Variants in LINGO2 observed in about 807,000 individuals in gnomAD.
LINGO2 encodes leucine-rich repeat and immunoglobulin-like domain-containing nogo receptor-interacting protein 2.
In LINGO2, 14 loss-of-function variants were observed where a neutral mutation model predicts 30.6. The ratio of observed to expected loss-of-function variants is 0.46; its 90% CI spans 0.30 to 0.72. LINGO2 has a LOEUF of 0.72. Among genes scored for constraint, LINGO2 ranks in the 30% least tolerant of loss-of-function variants. The pLI is 0.07. For synonymous variants in LINGO2, 317 were observed against 288.5 expected (o/e 1.10, Z -1.00); for missense variants, 729 against 751.7 (o/e 0.97, Z 0.35).
the LINGO2 span, among the ~76,000 whole-genome samples, chr9:29,083,398 A>T: frequency 6.6e-6 from 1 of 152,118 alleles, no homozygotes; most frequent in Non-Finnish European, 1.5e-5. Context: ...ACACTTGGAC[A>T]CAGGAAAGGG....
At chr9:28,477,280 G>A (rs983177145) in intron 1 of LINGO2, among the ~76,000 whole-genome samples, 3 of 152,134 alleles carry the variant, frequency 2.0e-5, no homozygotes, top group East Asian at 3.9e-4. Context: ...TTTAGGGTAT[G>A]ATCTAATTTA....
intron 1 of LINGO2, among the ~76,000 whole-genome samples, chr9:28,534,571 T>C (rs1031906271): frequency 5.9e-5 from 9 of 152,176 alleles, no homozygotes; most frequent in Non-Finnish European, 1.0e-4. Flanking sequence ...TAGCTCATTT[T>C]CTTTCTAAGA....
In LINGO2 at chr9:28,060,475, A is replaced by C. The variant is rs146145570; in HGVS notation, c.-86-48070T>G. Among the ~76,000 whole-genome samples the C allele has an allele frequency of 5.4e-3, 820 of 152,256 alleles. 16 individuals are homozygous for C. The highest frequency in any genetic ancestry group is 0.05 in the South Asian group (242 of 4,822). ...CTTTCATAAGTAAGATTTTTTATTTACATTTTACAAATGAGAAAAATAGGC... is the reference window on the plus strand; with the variant it reads ...CTTTCATAAGTAAGATTTTTTATTTCCATTTTACAAATGAGAAAAATAGGC... On this transcript the variant is annotated intron_variant, in intron 4 of 5. Coordinates refer to ENST00000379992, the Ensembl canonical transcript of LINGO2.
intron 4 of LINGO2, among the ~76,000 whole-genome samples, chr9:28,246,840 T>C (rs1468174831): frequency 2.0e-5 from 3 of 152,170 alleles, no homozygotes; most frequent in African/African-American, 4.8e-5. Flanking sequence ...GAGAATATTT[T>C]TGCAATCTAC....
intron 1 of LINGO2, among the ~76,000 whole-genome samples, chr9:28,631,702 T>A (rs1826951627): frequency 6.6e-6 from 1 of 152,062 alleles, no homozygotes; most frequent in Non-Finnish European, 1.5e-5. Flanking sequence ...AGCACATATG[T>A]TGCTGTCTCC....
At chr9:27,946,590 C>T (rs1279592601), downstream of LINGO2, among the ~76,000 whole-genome samples, 1 of 152,082 alleles carries the variant, frequency 6.6e-6, no homozygotes, top group Non-Finnish European at 1.5e-5. Context: ...CACAATGCTG[C>T]AAAATAGTTT....
Position 28,147,508 on chromosome 9 carries a change from G to A in LINGO2, c.-86-135103C>T, listed in dbSNP as rs1005510848. Reference sequence around the variant, plus strand: ...GGGCCTGGCTCCAGGCAGCACAGAGGCACTGGAGAGGCCCCGGGGGAGCCT... The same window carrying A: ...GGGCCTGGCTCCAGGCAGCACAGAGACACTGGAGAGGCCCCGGGGGAGCCT... On this transcript the variant is annotated intron_variant, in intron 4 of 5. Transcript: ENST00000379992. This position sits in a 1 kb window ranked among gnomAD's most constrained non-coding sequence, Gnocchi z 4.7. Among the ~76,000 whole-genome samples, 1 of 152,220 alleles carries A rather than the reference G, an allele frequency of 6.6e-6. No homozygotes were observed. Among genetic ancestry groups the A allele is most frequent in the African/African-American group, 2.4e-5 (1 of 41,464 alleles).
chr9:28,593,838 C>G (rs780657182), intron 1 of LINGO2, among the ~76,000 whole-genome samples: 3 of 151,924 alleles, frequency 2.0e-5, no homozygotes, highest in Non-Finnish European at 4.4e-5. Context: ...GAACATTACA[C>G]CAGCTTTTAG....
At chr9:29,114,466 A>G in the LINGO2 span, among the ~76,000 whole-genome samples, 1 of 150,048 alleles carries the variant, frequency 6.7e-6, no homozygotes, top group Non-Finnish European at 1.5e-5. Context: ...GGTTTGTTAC[A>G]TATGTATACA....
At chr9:28,704,472 A>T in the LINGO2 span, among the ~76,000 whole-genome samples, 1 of 151,988 alleles carries the variant, frequency 6.6e-6, no homozygotes, top group Non-Finnish European at 1.5e-5. Flanking sequence ...GGTGTCTGAC[A>T]TTAATTTGAG....
At chr9:28,425,251 A>G (rs1324685652) in intron 2 of LINGO2, among the ~76,000 whole-genome samples, 1 of 147,958 alleles carries the variant, frequency 6.8e-6, no homozygotes, top group African/African-American at 2.5e-5. Context: ...CATATTAAAT[A>G]TATGTATTAT....
At chr9:28,745,347 G>T in the LINGO2 span, among the ~76,000 whole-genome samples, 1 of 152,004 alleles carries the variant, frequency 6.6e-6, no homozygotes, top group African/African-American at 2.4e-5. Context: ...TTGTAAGTCA[G>T]CTCTCATCTT....
chr9:27,982,293 T>C (rs1251415440), intron 5 of LINGO2, among the ~76,000 whole-genome samples: 2 of 151,838 alleles, frequency 1.3e-5, no homozygotes, highest in African/African-American at 2.4e-5. Flanking sequence ...AATTTATAAA[T>C]CAGCCGGACA....
At chr9:28,867,111 A>C in the LINGO2 span, among the ~76,000 whole-genome samples, 1 of 152,100 alleles carries the variant, frequency 6.6e-6, no homozygotes, top group Non-Finnish European at 1.5e-5. Context: ...TGACAGAGGA[A>C]TCTGCAGTTA....
At chr9:28,651,131 A>C (rs1038523326) in intron 1 of LINGO2, among the ~76,000 whole-genome samples, 6 of 151,756 alleles carry the variant, frequency 4.0e-5, no homozygotes, top group African/African-American at 1.5e-4. Context: ...TGCAGTGAGC[A>C]GAGACTGTGA....
intron 4 of LINGO2, among the ~76,000 whole-genome samples, chr9:28,088,700 T>C (rs1172106994): frequency 6.6e-6 from 1 of 152,100 alleles, no homozygotes; most frequent in Non-Finnish European, 1.5e-5. Flanking sequence ...TAGGATCAAA[T>C]TCACACATAA....
chr9:28,402,056 AGCTTTTTG>A (rs1822291955), intron 2 of LINGO2, among the ~76,000 whole-genome samples: 1 of 152,194 alleles, frequency 6.6e-6, no homozygotes, highest in Non-Finnish European at 1.5e-5. Flanking sequence ...AGGAAAGACT[AGCTTTTTG>A]GCATTTAAGT....
intron 4 of LINGO2, among the ~76,000 whole-genome samples, chr9:28,012,833 A>C (rs1393421934): frequency 6.6e-6 from 1 of 151,954 alleles, no homozygotes; most frequent in Non-Finnish European, 1.5e-5. Flanking sequence ...AAAACTGTCT[A>C]TCTGAAATTG....
intron 3 of LINGO2, among the ~76,000 whole-genome samples, chr9:28,353,406 T>C (rs1437453419): frequency 6.6e-6 from 1 of 150,810 alleles, no homozygotes; most frequent in Non-Finnish European, 1.5e-5. Flanking sequence ...GAAAAAATGC[T>C]CATCATCACT....
Sources: allele counts gnomAD v4.1 joint callset (sites outside exome capture counted in the v4.1 genomes callset), GRCh38; gene constraint gnomAD v4.1.1; non-coding constraint Gnocchi (gnomAD v3.1); transcripts MANE v1.5; gene names NCBI Gene and HGNC (gene_info 2026-07-23, HGNC 2026-07-21).